The following GSTCD variants were observed in gnomAD, a reference collection of about 807,000 sequenced individuals.
The protein encoded by GSTCD is glutathione S-transferase C-terminal domain containing, also known as glutathione S-transferase C-terminal domain-containing protein.
GSTCD carries 44 observed loss-of-function variants against 68.3 expected under a neutral mutation model. That is an observed-to-expected ratio of 0.64 (90% CI 0.51 to 0.83). The LOEUF (loss-of-function observed/expected upper bound fraction) is 0.83, where lower values mean the gene tolerates loss of function less well. Ranked by LOEUF, GSTCD falls within the 40% of genes least tolerant of loss-of-function variation. The probability of loss-of-function intolerance (pLI) is 0.00; values close to 1 mark genes in which losing one functional copy is unlikely to be tolerated. For missense variants in GSTCD, 739 were observed against 735.9 expected, an observed-to-expected ratio of 1.00 and a Z score of -0.05; for synonymous variants, 273 against 255.2, an observed-to-expected ratio of 1.07 and a Z score of -0.67.
chr4:105,755,633 C>G (rs185981024), intron 5 of GSTCD, among the ~76,000 whole-genome samples: 4 of 152,130 alleles, frequency 2.6e-5, no homozygotes, highest in Non-Finnish European at 5.9e-5. Context: ...AACTGCCCCC[C>G]ACTTCAGATG....
intron 5 of GSTCD, among the ~76,000 whole-genome samples, chr4:105,791,762 C>A (rs1445405138): frequency 6.9e-6 from 1 of 144,730 alleles, no homozygotes; most frequent in Non-Finnish European, 1.5e-5. Flanking sequence ...GTACTTAAAA[C>A]TTTTGTTGAA....
intron 5 of GSTCD, among the ~76,000 whole-genome samples, chr4:105,819,392 T>C (rs530846573): frequency 9.2e-5 from 14 of 151,960 alleles, no homozygotes; most frequent in Admixed American, 7.2e-4. Flanking sequence ...GCACATACTT[T>C]TGCACATAAT....
chr4:105,724,966 A>G (rs1244885184), intron 3 of GSTCD, among the ~76,000 whole-genome samples: 1 of 152,010 alleles, frequency 6.6e-6, no homozygotes, highest in Non-Finnish European at 1.5e-5. Flanking sequence ...GAATGTGTTC[A>G]TGGCCATGAA....
At chr4:105,828,482 T>C (rs552493257) in intron 8 of GSTCD, among the ~76,000 whole-genome samples, 1 of 152,224 alleles carries the variant, frequency 6.6e-6, no homozygotes, top group Non-Finnish European at 1.5e-5. Flanking sequence ...GAGATGAAAA[T>C]AGCAGATAGA....
At chr4:105,749,192 T>G (rs1733919527) in intron 5 of GSTCD, among the ~76,000 whole-genome samples, 1 of 151,836 alleles carries the variant, frequency 6.6e-6, no homozygotes, top group African/African-American at 2.4e-5. Flanking sequence ...AAACGTAAAA[T>G]GCACAATTTT....
chr4:105,756,580 G>GTGTATA lies in GSTCD; in HGVS notation c.1240+27082_1240+27083insGTATAT, dbSNP rs1266183702. Among the ~76,000 whole-genome samples the GTGTATA allele has an allele frequency of 8.4e-5, 12 of 142,470 alleles. No homozygotes were observed. In the South Asian group the frequency reaches 2.7e-3, roughly 32 times the overall value. 93.5% of individuals were successfully genotyped at this position (142,470 alleles called of 152,430 possible). A position where few individuals can be genotyped will look rare whatever the true frequency, so the allele number is the denominator to read the frequency against. ...TGTATATATATGTGTGTGTGTGTGTGTATATATATATATATATATATAATA... is the reference window on the plus strand; with the variant it reads ...TGTATATATATGTGTGTGTGTGTGTGTGTATATATATATATATATATATATATAATA... On this transcript the variant is annotated intron_variant, in intron 5 of 11. Coordinates refer to ENST00000515279, the MANE Select transcript of GSTCD (RefSeq NM_001370181.1).
intron 5 of GSTCD, among the ~76,000 whole-genome samples, chr4:105,776,352 T>C (rs528091887): frequency 6.6e-6 from 1 of 152,250 alleles, no homozygotes; most frequent in South Asian, 2.1e-4. Context: ...TGAATGGTTT[T>C]GTCTCGCTGG....
intron 8 of GSTCD, chr4:105,826,111 C>T (rs1221316357): frequency 6.5e-6 from 1 of 154,182 alleles, no homozygotes; most frequent in African/African-American, 2.4e-5. Context: ...ACATGACTTG[C>T]CTTGGTTTAT....
chr4:105,709,144 C>G (rs931677920), intron 1 of GSTCD, 128 bp downstream of exon 1: 9 of 152,556 alleles, frequency 5.9e-5, no homozygotes, highest in Admixed American at 3.3e-4. Context: ...GTGGTATCAT[C>G]GTCCTGATTT....
intron 5 of GSTCD, among the ~76,000 whole-genome samples, chr4:105,736,385 A>G (rs1181577705): frequency 1.3e-5 from 2 of 152,158 alleles, no homozygotes; most frequent in South Asian, 2.1e-4. Flanking sequence ...GCTTATACCT[A>G]CTAGGACTTA....
intron 5 of GSTCD, among the ~76,000 whole-genome samples, chr4:105,740,567 G>A (rs1733601226): frequency 6.6e-6 from 1 of 152,124 alleles, no homozygotes; most frequent in Non-Finnish European, 1.5e-5. Context: ...GGCGTGGGAT[G>A]CTTGGGCATA....
chr4:105,781,666 C>G (rs1250678312), intron 5 of GSTCD, among the ~76,000 whole-genome samples: 1 of 151,970 alleles, frequency 6.6e-6, no homozygotes, highest in African/African-American at 2.4e-5. Flanking sequence ...GAAAATACAT[C>G]TATTGCTAAG....
At chr4:105,825,146 T>C (rs2544416) in intron 7 of GSTCD, among the ~76,000 whole-genome samples, 106,953 of 151,788 alleles carry the variant, frequency 0.7, 39,094 homozygotes, top group East Asian at 0.9. Context: ...GTTTGTTTGT[T>C]TGAGACAGAT....
intron 1 of GSTCD, among the ~76,000 whole-genome samples, chr4:105,711,334 G>A (rs916732090): frequency 6.6e-6 from 1 of 152,166 alleles, no homozygotes; most frequent in South Asian, 2.1e-4. Flanking sequence ...ATATGCACAT[G>A]GATTAAGGGT....
At chr4:105,844,866 A>G (rs896774521) in intron 11 of GSTCD, among the ~76,000 whole-genome samples, 2 of 152,188 alleles carry the variant, frequency 1.3e-5, no homozygotes, top group Non-Finnish European at 2.9e-5. Context: ...ACTATTTTGT[A>G]GAGGGACAGG....
At chr4:105,831,600 T>G (rs1334775205) in intron 8 of GSTCD, among the ~76,000 whole-genome samples, 1 of 152,240 alleles carries the variant, frequency 6.6e-6, no homozygotes, top group African/African-American at 2.4e-5. Flanking sequence ...TTTGTTTGTG[T>G]GTTCACATCT....
At chr4:105,728,051 G>A (rs1363102633) in intron 4 of GSTCD, among the ~76,000 whole-genome samples, 1 of 152,154 alleles carries the variant, frequency 6.6e-6, no homozygotes, top group Non-Finnish European at 1.5e-5. Context: ...TATTGATTAA[G>A]CAATGAAACA....
At chr4:105,802,154 C>T (rs1736128469) in intron 5 of GSTCD, among the ~76,000 whole-genome samples, 1 of 152,092 alleles carries the variant, frequency 6.6e-6, no homozygotes, top group Admixed American at 6.6e-5. Context: ...TAAAGCTTGG[C>T]ACATCATGAT....
At chr4:105,759,371 G>A (rs1272022176) in intron 5 of GSTCD, among the ~76,000 whole-genome samples, 2 of 152,182 alleles carry the variant, frequency 1.3e-5, no homozygotes, top group South Asian at 2.1e-4. Context: ...TGAAGGTGGT[G>A]ATGATAGTTC....
Sources: gnomAD v4.1 joint callset for allele counts (sites outside exome capture counted in the v4.1 genomes callset) on GRCh38, gnomAD v4.1.1 for gene constraint, MANE v1.5 for transcripts, NCBI Gene and HGNC (gene_info 2026-07-23, HGNC 2026-07-21) for gene names.